MDGA2: variants seen among roughly 807,000 people sequenced by gnomAD.
The protein encoded by MDGA2 is MAM domain containing glycosylphosphatidylinositol anchor 2.
A neutral mutation model predicts 117.8 loss-of-function variants in MDGA2; 40 were observed. That is an observed-to-expected ratio of 0.34 (90% CI 0.26 to 0.44). The LOEUF (loss-of-function observed/expected upper bound fraction) is 0.44. MDGA2 is among the 20% of genes least tolerant of loss of function. MDGA2 has a pLI of 1.00. For missense variants in MDGA2, 1,123 were observed against 1,250.6 expected, an observed-to-expected ratio of 0.90 and a Z score of 1.54; for synonymous variants, 452 against 439.0, an observed-to-expected ratio of 1.03 and a Z score of -0.37.
chr14:47,574,934 C>T (rs1896088743), intron 1 of MDGA2, among the ~76,000 whole-genome samples: 1 of 152,140 alleles, frequency 6.6e-6, no homozygotes, highest in African/African-American at 2.4e-5. Context: ...GCTACCCACA[C>T]CCTCTATCTT....
intron 1 of MDGA2, among the ~76,000 whole-genome samples, chr14:47,449,099 G>C (rs1388183519): frequency 1.3e-5 from 2 of 152,066 alleles, no homozygotes; most frequent in Non-Finnish European, 2.9e-5. Flanking sequence ...TAGATGAACA[G>C]CCAGGACTCA....
intron 10 of MDGA2, among the ~76,000 whole-genome samples, chr14:46,918,577 A>C (rs994296425): frequency 4.6e-5 from 7 of 152,104 alleles, no homozygotes; most frequent in Non-Finnish European, 7.4e-5. Flanking sequence ...TCCTTTTTCA[A>C]TGAGGGATAA....
At chr14:47,567,764 A>C (rs1895946925) in intron 1 of MDGA2, among the ~76,000 whole-genome samples, 1 of 152,098 alleles carries the variant, frequency 6.6e-6, no homozygotes. Context: ...TAAGGCCTTA[A>C]CTCTATGTAT....
At chr14:47,060,594 C>T (rs979054508) in intron 7 of MDGA2, among the ~76,000 whole-genome samples, 3 of 151,986 alleles carry the variant, frequency 2.0e-5, no homozygotes, top group Non-Finnish European at 4.4e-5. Context: ...CCACCAAATC[C>T]CTGTAATTTT....
chr14:47,125,292 C>T (rs1343601842), intron 5 of MDGA2, among the ~76,000 whole-genome samples: 1 of 151,992 alleles, frequency 6.6e-6, no homozygotes, highest in Non-Finnish European at 1.5e-5. Context: ...TTGTTTCATG[C>T]CCACAGCTAT....
rs116455662 is a variant in MDGA2, at chr14:46,951,349, A to G, written c.2089+6025T>C. Among the ~76,000 whole-genome samples, 949 of 152,114 alleles carry G rather than the reference A, an allele frequency of 6.2e-3. 6 individuals carry two copies. The highest frequency in any genetic ancestry group is 0.02 in the African/African-American group (825 of 41,528). ...CAGAAAGACCCTAAGATGACTCCCA[A>G]TGATTCCTGTCTCTTGTTTTTCATA... On this transcript the variant is annotated intron_variant, in intron 9 of 16. Coordinates refer to ENST00000399232, the MANE Select transcript of MDGA2 (RefSeq NM_001113498.3).
chr14:46,977,233 T>A (rs972806223), intron 8 of MDGA2, among the ~76,000 whole-genome samples: 10 of 151,550 alleles, frequency 6.6e-5, no homozygotes, highest in African/African-American at 2.4e-4. Flanking sequence ...AAATTTCTTC[T>A]CTTTTTTTTT....
At chr14:47,578,915 AT>A (rs1896177054) in intron 1 of MDGA2, among the ~76,000 whole-genome samples, 1 of 152,102 alleles carries the variant, frequency 6.6e-6, no homozygotes, top group Admixed American at 6.6e-5. Flanking sequence ...TAGTTGAAAG[AT>A]TTTCTTAAGG....
At chr14:47,488,245 T>C (rs1894099881) in intron 1 of MDGA2, among the ~76,000 whole-genome samples, 2 of 152,124 alleles carry the variant, frequency 1.3e-5, no homozygotes, top group Non-Finnish European at 2.9e-5. Flanking sequence ...CGAATAGAAC[T>C]TCATAAATAT....
At chr14:47,096,794 T>C in intron 6 of MDGA2, 60 bp downstream of exon 6, 1 of 1,535,210 alleles carries the variant, frequency 6.5e-7, no homozygotes, top group Non-Finnish European at 8.9e-7. Flanking sequence ...TCAACCATTA[T>C]TTGCTTTTTG....
At chr14:46,885,665 T>C (rs954325233) in intron 10 of MDGA2, among the ~76,000 whole-genome samples, 1 of 152,140 alleles carries the variant, frequency 6.6e-6, no homozygotes, top group South Asian at 2.1e-4. Context: ...ACGTATAAGC[T>C]AACAAGTTAG....
At chr14:47,218,758 C>G (rs1886193756) in intron 2 of MDGA2, among the ~76,000 whole-genome samples, 1 of 151,916 alleles carries the variant, frequency 6.6e-6, no homozygotes, top group Admixed American at 6.6e-5. Flanking sequence ...CTTAATAAGC[C>G]CACAAATGAT....
intron 1 of MDGA2, among the ~76,000 whole-genome samples, chr14:47,635,488 A>G (rs994673143): frequency 6.6e-6 from 1 of 152,116 alleles, no homozygotes; most frequent in Non-Finnish European, 1.5e-5. Context: ...TAATTGTGCG[A>G]AAAAAAGTTG....
chr14:47,069,966 AT>A (rs531950555), intron 6 of MDGA2, among the ~76,000 whole-genome samples: 2 of 152,118 alleles, frequency 1.3e-5, no homozygotes, highest in Non-Finnish European at 2.9e-5. Context: ...GCATCTAACC[AT>A]TCCCCCTATT....
chr14:47,076,616 A>C (rs372295274), intron 6 of MDGA2, among the ~76,000 whole-genome samples: 2 of 151,484 alleles, frequency 1.3e-5, no homozygotes, highest in Non-Finnish European at 1.5e-5. Flanking sequence ...ATTATTTTTT[A>C]AAAACATCTT....
At chr14:47,044,672 C>G (rs1027600069) in intron 7 of MDGA2, among the ~76,000 whole-genome samples, 1 of 152,124 alleles carries the variant, frequency 6.6e-6, no homozygotes, top group African/African-American at 2.4e-5. Flanking sequence ...AAGTACCTCA[C>G]ACATAGTAAA....
chr14:47,617,909 G>A (rs1896976509), intron 1 of MDGA2, among the ~76,000 whole-genome samples: 1 of 152,114 alleles, frequency 6.6e-6, no homozygotes, highest in Non-Finnish European at 1.5e-5. Flanking sequence ...ATTAAAAAAT[G>A]CCAGTACTTA....
chr14:47,524,017 G>T (rs1354126880), intron 1 of MDGA2, among the ~76,000 whole-genome samples: 1 of 152,044 alleles, frequency 6.6e-6, no homozygotes, highest in Non-Finnish European at 1.5e-5. Context: ...ACACAACTGA[G>T]GTATGTGGTA....
chr14:47,086,616 T>TG (rs1459218239), intron 6 of MDGA2, among the ~76,000 whole-genome samples: 2 of 151,942 alleles, frequency 1.3e-5, no homozygotes, highest in East Asian at 1.9e-4. Flanking sequence ...ACATAGATTT[T>TG]TTTTTACTTT....
Sources: gnomAD v4.1 joint callset for allele counts (sites outside exome capture counted in the v4.1 genomes callset) on GRCh38, gnomAD v4.1.1 for gene constraint, MANE v1.5 for transcripts, NCBI Gene and HGNC (gene_info 2026-07-23, HGNC 2026-07-21) for gene names.